TMED10: variants seen among roughly 807,000 people sequenced by gnomAD.
The protein encoded by TMED10 is transmembrane p24 trafficking protein 10.
TMED10 carries 7 observed loss-of-function variants against 23.1 expected under a neutral mutation model. That is an observed-to-expected ratio of 0.30 (90% CI 0.17 to 0.57). TMED10 has a LOEUF of 0.57. Ranked by LOEUF, TMED10 falls within the 20% of genes least tolerant of loss-of-function variation. The pLI is 0.91. For missense variants in TMED10, 162 were observed against 274.8 expected, an observed-to-expected ratio of 0.59 and a Z score of 2.90; for synonymous variants, 113 against 106.9, an observed-to-expected ratio of 1.06 and a Z score of -0.35.
Position 75,147,712 on chromosome 14 carries a change from G to A in TMED10, c.363C>T (p.Leu121=), listed in dbSNP as rs199528319. Residue 121 remains leucine, a synonymous_variant, in exon 3 of 5, where the codon CTC becomes CTT. Transcript: ENST00000303575. ...CTCCATGCTTCATGTCTAGGATCAC[G>A]AGTTGGTCAGGTATCCGCCCTGTTC... is the stretch of plus-strand genomic sequence containing the variant. ...SKGTGRIPDQ[L]VILDMKHGVE... is the part of the protein sequence containing the mutation. 9 of 1,614,060 alleles carry A rather than the reference G, an allele frequency of 5.6e-6. No homozygotes were observed. The East Asian group carries it at 1.3e-4, about 24-fold the overall frequency.
At chr14:75,154,715 G>A (rs920527482) in intron 1 of TMED10, among the ~76,000 whole-genome samples, 1 of 151,994 alleles carries the variant, frequency 6.6e-6, no homozygotes, top group African/African-American at 2.4e-5. Flanking sequence ...CCAGGCTGGA[G>A]TGCAGTGATG....
chr14:75,158,232 A>G (rs1896044777), intron 1 of TMED10, among the ~76,000 whole-genome samples: 1 of 152,222 alleles, frequency 6.6e-6, no homozygotes, highest in Admixed American at 6.5e-5. Flanking sequence ...CTAAACAATC[A>G]AGGGAAATTT....
rs1412955726 is a variant in TMED10, at chr14:75,134,986, G to C, written c.559C>G (p.Leu187Val). The C allele has an allele frequency of 6.2e-7, 1 of 1,613,844 alleles. No individual in the cohort carries two copies. The highest frequency in any genetic ancestry group is 8.5e-7 in the Non-Finnish European group (1 of 1,179,956). The change falls in exon 5 of 5, where the codon CTA (leucine) becomes GTA (valine). Residue 187 changes from leucine (L) to valine (V), a missense_variant. Physicochemically the swap from Leu to Val is conservative, Grantham distance 32. This residue lies in a region of TMED10 where 126 missense variants were observed against 239.5 expected (regional missense o/e 0.53). Transcript: ENST00000303575. ...DTNESTNTRV[L>V]YFSIFSMFCL... is the part of the protein sequence containing the mutation. The stretch of plus-strand genomic sequence containing the variant: ...AACATTGAAAAGATGCTGAAGTATA[G>C]GACCCGAGTGTTTGTTGACTCTAAA...
chr14:75,173,976 C>T (rs1352095345), intron 1 of TMED10, among the ~76,000 whole-genome samples: 2 of 152,180 alleles, frequency 1.3e-5, no homozygotes, highest in African/African-American at 4.8e-5. Context: ...GGTGATCCAC[C>T]CGCCTCGGCC....
chr14:75,152,415 T>A (rs2098297), intron 1 of TMED10, among the ~76,000 whole-genome samples: 1 of 152,050 alleles, frequency 6.6e-6, no homozygotes, highest in African/African-American at 2.4e-5. Context: ...TTAATCTAGC[T>A]AATGCTCCAA....
chr14:75,138,812 C>CTTTTTTTTTTTTTTTTTTTTTTTTTT (rs59707221), intron 3 of TMED10, among the ~76,000 whole-genome samples: 6 of 95,044 alleles, frequency 6.3e-5, no homozygotes, highest in South Asian at 3.5e-4. Context: ...GCCTTTGCTT[C>CTTTTTTTTTTTTTTTTTTTTTTTTTT]TTTTTTTTTT....
Position 75,149,216 on chromosome 14 carries a change from G to A in TMED10, c.338-1479C>T, listed in dbSNP as rs980154897. 4.6e-5 allele frequency among the ~76,000 whole-genome samples: 7 copies of A among 152,162 alleles called. No homozygotes were observed. In the East Asian group the frequency reaches 5.8e-4, roughly 13 times the overall value. ...ATAGGCATGAGCCACTGTGCCTGGCGGAGAAGTAGGACCTTTAAGAATTGA... is the reference window on the plus strand; with the variant it reads ...ATAGGCATGAGCCACTGTGCCTGGCAGAGAAGTAGGACCTTTAAGAATTGA... On this transcript the variant is annotated intron_variant, in intron 2 of 4. Transcript: ENST00000303575.
chr14:75,161,441 T>A (rs2139852002), intron 1 of TMED10, among the ~76,000 whole-genome samples: 1 of 152,302 alleles, frequency 6.6e-6, no homozygotes, highest in South Asian at 2.1e-4. Context: ...AAGCCAAAAT[T>A]AAAAGACTAA....
chr14:75,148,135 C>A (rs1385022841), intron 2 of TMED10, among the ~76,000 whole-genome samples: 1 of 152,072 alleles, frequency 6.6e-6, no homozygotes, highest in African/African-American at 2.4e-5. Context: ...TAGTAGGCAA[C>A]AACTTCGGCT....
At chr14:75,161,008 C>T (rs1351869986) in intron 1 of TMED10, among the ~76,000 whole-genome samples, 1 of 152,038 alleles carries the variant, frequency 6.6e-6, no homozygotes, top group Non-Finnish European at 1.5e-5. Context: ...TGTGCCACTG[C>T]ACTCCAGCCT....
chr14:75,147,187 T>G lies in TMED10; in HGVS notation c.411+477A>C, dbSNP rs1247606703. 6.6e-4 allele frequency among the ~76,000 whole-genome samples: 3 copies of G among 4,512 alleles called. No individual in the cohort carries two copies. The Non-Finnish European group carries it at 0.013, about 20-fold the overall frequency. 3.0% of individuals were successfully genotyped at this position (4,512 alleles called of 152,430 possible). On this transcript the variant is annotated intron_variant, in intron 3 of 4. Transcript: ENST00000303575. The stretch of plus-strand genomic sequence containing the variant: ...AGCCAGAATTATTCTTCAAGGCTGT[T>G]TTTTTTTTTTTTTTTTTTTGAGATG...
chr14:75,139,996 A>C (rs1194172065), intron 3 of TMED10, among the ~76,000 whole-genome samples: 1 of 152,168 alleles, frequency 6.6e-6, no homozygotes, highest in Non-Finnish European at 1.5e-5. Flanking sequence ...AATCTGACGG[A>C]CTTAACAATT....
chr14:75,167,365 T>G (rs1239222060), intron 1 of TMED10, among the ~76,000 whole-genome samples: 1 of 151,964 alleles, frequency 6.6e-6, no homozygotes, highest in Admixed American at 6.6e-5. Context: ...TATACCATCT[T>G]TTCCTTCCTT....
intron 1 of TMED10, among the ~76,000 whole-genome samples, 154 bp from the exon 2 acceptor site, chr14:75,152,297 A>T (rs939300309): frequency 2.6e-5 from 4 of 152,264 alleles, no homozygotes; most frequent in Admixed American, 6.5e-5. Context: ...CAAAAACTGG[A>T]TTAGAAGATT....
intron 1 of TMED10, among the ~76,000 whole-genome samples, chr14:75,160,011 C>T (rs115783547): frequency 1.2e-3 from 190 of 152,206 alleles, no homozygotes; most frequent in African/African-American, 3.8e-3. Flanking sequence ...GCTGGAAGTT[C>T]GCCCAAGGCC....
At chr14:75,136,625 GTGT>G (rs777934167) in intron 3 of TMED10, 2 of 152,180 alleles carry the variant, frequency 1.3e-5, no homozygotes, top group African/African-American at 2.4e-5. Flanking sequence ...ATGTGAGCAT[GTGT>G]TGTTATAGCA....
In TMED10 at chr14:75,131,581, G is replaced by A. The variant is rs1488790558; in HGVS notation, c.*3304C>T. 2 of 152,512 alleles carry A rather than the reference G, an allele frequency of 1.3e-5. No individual in the cohort carries two copies. Among genetic ancestry groups the A allele is most frequent in the Non-Finnish European group, 2.9e-5 (2 of 68,020 alleles). The allele number at this position is 152,512 out of a possible 1,614,324, so 9.4% of individuals were successfully genotyped here. Reference sequence around the variant, plus strand: ...CTCTTTCCCAAACAAACCAAGAAATGGCTTTATGACAGGGGTCCATGACAA... The same window carrying A: ...CTCTTTCCCAAACAAACCAAGAAATAGCTTTATGACAGGGGTCCATGACAA... On this transcript the variant is annotated 3_prime_UTR_variant, in exon 5 of 5. Transcript: ENST00000303575.
Position 75,176,560 on chromosome 14 carries a change from G to A in TMED10, c.20C>T (p.Pro7Leu), listed in dbSNP as rs772752310. MSGLSGPPARRGPFPLA... is the reference protein window; with the variant it reads MSGLSGLPARRGPFPLA... ...CGGAAAAGGGCCGCGCCGGGCTGGT[G>A]GGCCAGACAAACCAGACATGGTGCT... The change falls in exon 1 of 5, where the codon CCA (proline) becomes CTA (leucine). Residue 7 changes from proline to leucine, a missense_variant. By Grantham distance (98) the Pro-to-Leu change is moderately conservative. Transcript: ENST00000303575. 3 of 1,614,140 alleles carry A rather than the reference G, an allele frequency of 1.9e-6. No homozygotes were observed. Among genetic ancestry groups the A allele is most frequent in the South Asian group, 2.2e-5 (2 of 91,076 alleles).
intron 2 of TMED10, among the ~76,000 whole-genome samples, chr14:75,149,858 A>C (rs1895935194): frequency 7.2e-6 from 1 of 139,502 alleles, no homozygotes; most frequent in Non-Finnish European, 1.6e-5. Context: ...TAATCCCAGC[A>C]CTTTGGGAGG....
Sources: allele counts gnomAD v4.1 joint callset (sites outside exome capture counted in the v4.1 genomes callset), GRCh38; gene constraint gnomAD v4.1.1; regional missense constraint gnomAD v4.1.1; transcripts MANE v1.5; gene names NCBI Gene and HGNC (gene_info 2026-07-23, HGNC 2026-07-21).